Variants in CFAP61 observed in about 807,000 individuals in gnomAD.
The protein encoded by CFAP61 is cilia and flagella associated protein 61.
In CFAP61, 107 loss-of-function variants were observed where a neutral mutation model predicts 135.6. That is an observed-to-expected ratio of 0.79 (90% CI 0.67 to 0.93). The LOEUF is 0.93. Ranked by LOEUF, CFAP61 falls within the 40% of genes least tolerant of loss-of-function variation. The pLI is 0.00. For missense variants in CFAP61, 1,507 were observed against 1,556.2 expected, an observed-to-expected ratio of 0.97 and a Z score of 0.53; for synonymous variants, 575 against 578.5, an observed-to-expected ratio of 0.99 and a Z score of 0.09.
At chr20:20,192,790 C>G (rs549401305) in intron 15 of CFAP61, among the ~76,000 whole-genome samples, 1 of 152,234 alleles carries the variant, frequency 6.6e-6, no homozygotes, top group Non-Finnish European at 1.5e-5. Flanking sequence ...TGAGTATACA[C>G]TTTTTCTCAT....
chr20:20,309,789 G>T (rs1434889810), intron 25 of CFAP61, among the ~76,000 whole-genome samples: 3 of 152,054 alleles, frequency 2.0e-5, no homozygotes, highest in African/African-American at 4.8e-5. Flanking sequence ...GATAATTCAT[G>T]TGTGGAGGAA....
intron 7 of CFAP61, among the ~76,000 whole-genome samples, chr20:20,096,111 A>C (rs1300213620): frequency 2.6e-5 from 4 of 152,138 alleles, no homozygotes; most frequent in East Asian, 1.9e-4. Context: ...AACAGCCAGC[A>C]ATCAATGCCT....
At position 20,196,745 on chromosome 20, in the gene CFAP61, A is replaced by T; in HGVS notation, c.1766A>T (p.Tyr589Phe). The stretch of plus-strand genomic sequence containing the variant: ...TTAGGCTTTAAATCCTGTCTCTACT[A>T]CCGTGTTTACCCAAAATCCAGAGAA... ...LRLGFKSCLY[Y>F]RVYPKSREGK... Residue 589 changes from tyrosine to phenylalanine, a missense_variant, in exon 16 of 27, where the codon TAC (tyrosine) becomes TTC (phenylalanine). Physicochemically the swap from Tyr to Phe is conservative, Grantham distance 22 (BLOSUM62 3). Transcript: ENST00000245957. The T allele has an allele frequency of 6.2e-7, 1 of 1,614,194 alleles. No individual in the cohort carries two copies. The highest frequency in any genetic ancestry group is 8.5e-7 in the Non-Finnish European group (1 of 1,180,036).
chr20:20,158,147 C>T (rs565793794), intron 9 of CFAP61, among the ~76,000 whole-genome samples: 1 of 143,252 alleles, frequency 7.0e-6, no homozygotes, highest in African/African-American at 2.5e-5. Flanking sequence ...TGCTAGATGA[C>T]GAGTTAGTGG....
At chr20:20,115,583 C>T (rs2049082022) in intron 8 of CFAP61, among the ~76,000 whole-genome samples, 1 of 152,008 alleles carries the variant, frequency 6.6e-6, no homozygotes, top group South Asian at 2.1e-4. Context: ...TCCTCTCCTC[C>T]CCACCCCACT....
At chr20:20,062,980 G>T (rs113574810) in intron 2 of CFAP61, among the ~76,000 whole-genome samples, 2,526 of 152,148 alleles carry the variant, frequency 0.017, 68 homozygotes, top group African/African-American at 0.057. Context: ...AAGGGATTGG[G>T]GACCTGTATA....
intron 9 of CFAP61, among the ~76,000 whole-genome samples, chr20:20,147,441 G>T (rs544381399): frequency 3.9e-5 from 6 of 152,160 alleles, no homozygotes; most frequent in Non-Finnish European, 1.5e-5. Context: ...GGCCATTCTT[G>T]CAGGAGTAAG....
At chr20:20,181,543 C>T (rs1020540560) in intron 13 of CFAP61, among the ~76,000 whole-genome samples, 1 of 151,970 alleles carries the variant, frequency 6.6e-6, no homozygotes, top group African/African-American at 2.4e-5. Context: ...GGTGGGGCTT[C>T]ATCACTTCTT....
intron 11 of CFAP61, among the ~76,000 whole-genome samples, chr20:20,165,190 A>C (rs2053727207): frequency 6.6e-6 from 1 of 152,180 alleles, no homozygotes; most frequent in Admixed American, 6.5e-5. Flanking sequence ...TCAGGTCTGC[A>C]TCAGAATCCA....
intron 25 of CFAP61, among the ~76,000 whole-genome samples, chr20:20,332,154 A>G (rs547134869): frequency 7.9e-4 from 120 of 152,390 alleles, no homozygotes; most frequent in African/African-American, 2.7e-3. Flanking sequence ...ACTAAGACTC[A>G]GTCCTGTACC....
intron 2 of CFAP61, among the ~76,000 whole-genome samples, chr20:20,058,018 G>A (rs1457108322): frequency 6.6e-6 from 1 of 152,184 alleles, no homozygotes; most frequent in East Asian, 1.9e-4. Context: ...ATAAGCTACT[G>A]TGCTCGACCC....
chr20:20,338,730 T>G (rs1039164212), intron 25 of CFAP61, among the ~76,000 whole-genome samples: 2 of 152,248 alleles, frequency 1.3e-5, no homozygotes, highest in Non-Finnish European at 2.9e-5. Context: ...TCAGCTTTCC[T>G]CAGCCTTCAG....
At chr20:20,355,865 AGTCACACTGTGAGGGGAGGTG>A (rs2059109861) in intron 26 of CFAP61, among the ~76,000 whole-genome samples, 4 of 109,048 alleles carry the variant, frequency 3.7e-5, no homozygotes, top group East Asian at 6.1e-4. Context: ...GAGGGGAGGT[AGTCACACTGTGAGGGGAGGTG>A]GTCACACTGT....
intron 8 of CFAP61, among the ~76,000 whole-genome samples, chr20:20,103,950 C>CCGTTGA (rs2048199601): frequency 6.6e-6 from 1 of 152,166 alleles, no homozygotes; most frequent in Non-Finnish European, 1.5e-5. Context: ...CTCATGTAGG[C>CCGTTGA]CGTTGAGATC....
chr20:20,346,649 C>G (rs1407461826), intron 26 of CFAP61, among the ~76,000 whole-genome samples: 1 of 152,138 alleles, frequency 6.6e-6, no homozygotes, highest in African/African-American at 2.4e-5. Context: ...GGCAAAGCCA[C>G]AGCATCACTG....
At chr20:20,195,481 C>A (rs572985085) in intron 15 of CFAP61, among the ~76,000 whole-genome samples, 12 of 152,190 alleles carry the variant, frequency 7.9e-5, no homozygotes, top group African/African-American at 2.9e-4. Flanking sequence ...CCTCCCCCCA[C>A]GCTCCTGACA....
chr20:20,243,225 T>C (rs1481505800), intron 18 of CFAP61, among the ~76,000 whole-genome samples: 3 of 152,002 alleles, frequency 2.0e-5, no homozygotes, highest in Non-Finnish European at 4.4e-5. Flanking sequence ...TAATTCACTA[T>C]CACAAGAACA....
chr20:20,191,205 T>G, intron 14 of CFAP61, 137 bp from the exon 15 acceptor site: 2 of 546,028 alleles, frequency 3.7e-6, no homozygotes, highest in Non-Finnish European at 6.5e-6. Flanking sequence ...TTTAACTTAC[T>G]ACCTGGCCAA....
intron 25 of CFAP61, among the ~76,000 whole-genome samples, chr20:20,329,594 C>T (rs2057901516): frequency 6.6e-6 from 1 of 152,208 alleles, no homozygotes; most frequent in South Asian, 2.1e-4. Context: ...AGGATGTCCA[C>T]AGCACTCACT....
Sources: allele counts gnomAD v4.1 joint callset (sites outside exome capture counted in the v4.1 genomes callset), GRCh38; gene constraint gnomAD v4.1.1; transcripts MANE v1.5; gene names NCBI Gene and HGNC (gene_info 2026-07-23, HGNC 2026-07-21).